The following KCNJ15 variants were observed in gnomAD, a reference collection of about 807,000 sequenced individuals.
KCNJ15 encodes potassium inwardly rectifying channel subfamily J member 15, also known as ATP-sensitive inward rectifier potassium channel 15.
A neutral mutation model predicts 23.0 loss-of-function variants in KCNJ15; 14 were observed. The observed-to-expected ratio is 0.61, with a 90% CI of 0.40 to 0.95. The LOEUF (loss-of-function observed/expected upper bound fraction) is 0.95. Among genes scored for constraint, KCNJ15 ranks in the 40% least tolerant of loss-of-function variants. The probability of loss-of-function intolerance (pLI) is 0.00; values close to 1 mark genes in which losing one functional copy is unlikely to be tolerated. For synonymous variants in KCNJ15, 185 were observed against 183.2 expected, an observed-to-expected ratio of 1.01 and a Z score of -0.08; for missense variants, 388 against 461.8, an observed-to-expected ratio of 0.84 and a Z score of 1.46.
upstream of KCNJ15, among the ~76,000 whole-genome samples, chr21:38,255,466 G>A (rs1467898449): frequency 9.2e-5 from 14 of 152,284 alleles, no homozygotes; most frequent in East Asian, 2.7e-3. Flanking sequence ...ATCTCGTGTA[G>A]CTTCTTCATC....
At chr21:38,258,337 T>G (rs1980496922) in intron 1 of KCNJ15, among the ~76,000 whole-genome samples, 1 of 152,254 alleles carries the variant, frequency 6.6e-6, no homozygotes, top group Non-Finnish European at 1.5e-5. Flanking sequence ...CATCATTTTG[T>G]GAAAACTAAA....
At chr21:38,297,046 T>TC (rs1381909844) in intron 2 of KCNJ15, 23 bp downstream of exon 2, 2 of 152,592 alleles carry the variant, frequency 1.3e-5, no homozygotes, top group African/African-American at 4.8e-5. Flanking sequence ...TCTGAGGGCA[T>TC]CACACACTTG....
intron 1 of KCNJ15, among the ~76,000 whole-genome samples, chr21:38,271,782 T>A (rs903673658): frequency 7.9e-5 from 12 of 152,146 alleles, no homozygotes; most frequent in African/African-American, 2.9e-4. Flanking sequence ...AGAAGGTCAC[T>A]ATAGGAACAC....
Position 38,300,575 on chromosome 21 carries a change from C to T in KCNJ15, c.*186C>T, listed in dbSNP as rs2146356490. 1 of 565,502 alleles carries T rather than the reference C, an allele frequency of 1.8e-6. No individual in the cohort carries two copies. 35.0% of individuals were successfully genotyped at this position (565,502 alleles called of 1,614,324 possible). A position where few individuals can be genotyped will look rare whatever the true frequency, so the allele number is the denominator to read the frequency against. On this transcript the variant is annotated 3_prime_UTR_variant, in exon 3 of 3. Transcript: ENST00000398938. ...AGCATTTCTGTGTTTGAGAGATTTC[C>T]TGTTAGGTGCTTCGTCTGAAAGTGA...
At chr21:38,287,104 A>G (rs1204499688) in intron 1 of KCNJ15, among the ~76,000 whole-genome samples, 2 of 152,212 alleles carry the variant, frequency 1.3e-5, no homozygotes, top group South Asian at 2.1e-4. Context: ...CTGTTTAAAC[A>G]CTTTATTCTG....
chr21:38,241,967 T>TA (rs34321677), intron 1 of KCNJ15, among the ~76,000 whole-genome samples: 13,958 of 111,852 alleles, frequency 0.12, 2,011 homozygotes, highest in African/African-American at 0.36. Context: ...AGACTCCATC[T>TA]AAAAAAAAAA....
At position 38,300,459 on chromosome 21, in the gene KCNJ15, A is replaced by T; in HGVS notation, c.*70A>T. On this transcript the variant is annotated 3_prime_UTR_variant, in exon 3 of 3. Transcript: ENST00000398938. ...ATCAGAACTCCCTTCAAACACAAAG[A>T]TTGCTGTGAAAACGAAAATGTGTAG... The T allele has an allele frequency of 7.1e-7, 1 of 1,413,312 alleles. No homozygotes were observed. The highest frequency in any genetic ancestry group is 1.4e-5 in the South Asian group (1 of 71,430). 87.5% of individuals were successfully genotyped at this position (1,413,312 alleles called of 1,614,324 possible).
intron 1 of KCNJ15, among the ~76,000 whole-genome samples, chr21:38,261,067 C>T (rs532800858): frequency 7.5e-5 from 11 of 147,356 alleles, no homozygotes; most frequent in African/African-American, 2.8e-4. Context: ...GAGGGTGACG[C>T]AGAGAGGGAA....
intron 1 of KCNJ15, among the ~76,000 whole-genome samples, chr21:38,233,101 A>C (rs1379626535): frequency 6.6e-6 from 1 of 151,908 alleles, no homozygotes; most frequent in Non-Finnish European, 1.5e-5. Context: ...CAATTCCATA[A>C]GTTTTTGCTT....
intron 2 of KCNJ15, among the ~76,000 whole-genome samples, chr21:38,297,703 T>C (rs1985304363): frequency 6.6e-6 from 1 of 152,250 alleles, no homozygotes; most frequent in African/African-American, 2.4e-5. Context: ...CCTGTACTTT[T>C]CTTCTAACTT....
chr21:38,282,262 G>A (rs180903185), intron 1 of KCNJ15, among the ~76,000 whole-genome samples: 1 of 152,224 alleles, frequency 6.6e-6, no homozygotes, highest in East Asian at 1.9e-4. Flanking sequence ...GGTTACTGGT[G>A]TACCCCACAT....
At chr21:38,266,639 G>A (rs1160487341) in intron 1 of KCNJ15, among the ~76,000 whole-genome samples, 1 of 152,178 alleles carries the variant, frequency 6.6e-6, no homozygotes, top group African/African-American at 2.4e-5. Context: ...TGTCTTTATA[G>A]TAGAGTGATT....
chr21:38,277,881 C>T (rs1982895769), intron 1 of KCNJ15, among the ~76,000 whole-genome samples: 1 of 152,164 alleles, frequency 6.6e-6, no homozygotes, highest in South Asian at 2.1e-4. Context: ...GTCATTGACT[C>T]ATTTATAGTC....
At chr21:38,259,771 A>G (rs1980687926) in intron 1 of KCNJ15, among the ~76,000 whole-genome samples, 1 of 152,182 alleles carries the variant, frequency 6.6e-6, no homozygotes, top group Non-Finnish European at 1.5e-5. Flanking sequence ...TCTAGAACAA[A>G]GTGAACCAAG....
At chr21:38,243,820 C>A (rs1461374798) in intron 1 of KCNJ15, among the ~76,000 whole-genome samples, 1 of 152,200 alleles carries the variant, frequency 6.6e-6, no homozygotes, top group Non-Finnish European at 1.5e-5. Flanking sequence ...TGAAATGAAA[C>A]TTTATTTGCA....
rs1006955137 is a variant in KCNJ15 at position 38,295,806 on chromosome 21, G to A, written c.-116-1120G>A. ...TGAGGAATAAAATTCTATAAATTAA[G>A]AGCCTATGATGAAGTGCAATTCATA... On this transcript the variant is annotated intron_variant, in intron 1 of 2. Transcript: ENST00000398938. Among the ~76,000 whole-genome samples the A allele has an allele frequency of 2.0e-5, 3 of 152,266 alleles. No individual in the cohort carries two copies. In the South Asian group the frequency reaches 6.2e-4, roughly 32 times the overall value.
intron 1 of KCNJ15, among the ~76,000 whole-genome samples, chr21:38,232,553 G>A (rs1231152007): frequency 6.6e-6 from 1 of 151,584 alleles, no homozygotes; most frequent in Non-Finnish European, 1.5e-5. Flanking sequence ...TTGATTTGAG[G>A]TCTTTCTTCT....
chr21:38,284,157 C>A (rs1983646819), intron 1 of KCNJ15, among the ~76,000 whole-genome samples: 1 of 152,196 alleles, frequency 6.6e-6, no homozygotes, highest in Non-Finnish European at 1.5e-5. Context: ...CAAACCTGCA[C>A]CCCAGAGGTG....
At chr21:38,251,992 G>A (rs533617012), upstream of KCNJ15, among the ~76,000 whole-genome samples, 42 of 152,278 alleles carry the variant, frequency 2.8e-4, no homozygotes, top group East Asian at 7.9e-3. Flanking sequence ...AGATGGGGAA[G>A]CCTCCAGTGG....
Sources: gnomAD v4.1 joint callset for allele counts (sites outside exome capture counted in the v4.1 genomes callset) on GRCh38, gnomAD v4.1.1 for gene constraint, MANE v1.5 for transcripts, NCBI Gene and HGNC (gene_info 2026-07-23, HGNC 2026-07-21) for gene names.